Variants in TRPM1 observed in about 807,000 individuals in gnomAD.
TRPM1 encodes the protein TRPM1-203 APA Isoform, Intron 10.
TRPM1 carries 113 observed loss-of-function variants against 149.4 expected under a neutral mutation model. The ratio of observed to expected loss-of-function variants is 0.76; its 90% confidence interval spans 0.65 to 0.88. The LOEUF is 0.88. Among genes scored for constraint, TRPM1 ranks in the 40% least tolerant of loss-of-function variants. The pLI is 0.00. For missense variants in TRPM1, 1,976 were observed against 2,038.7 expected (o/e 0.97, Z 0.59); for synonymous variants, 741 against 759.5 (o/e 0.98, Z 0.40).
At chr15:31,036,878 C>T (rs1009256165) in intron 20 of TRPM1, among the ~76,000 whole-genome samples, 1 of 152,248 alleles carries the variant, frequency 6.6e-6, no homozygotes, top group Non-Finnish European at 1.5e-5. Flanking sequence ...CCCCAGCCCA[C>T]CCTCATTCAT....
At chr15:31,077,401 G>T (rs2034728662) in intron 2 of TRPM1, among the ~76,000 whole-genome samples, 1 of 151,988 alleles carries the variant, frequency 6.6e-6, no homozygotes, top group Admixed American at 6.5e-5. Context: ...GCTGGTGCTG[G>T]ATGCTCAGCG....
At chr15:31,106,302 C>T (rs1596075943), upstream of TRPM1, among the ~76,000 whole-genome samples, 5 of 141,012 alleles carry the variant, frequency 3.5e-5, no homozygotes, top group Admixed American at 3.6e-4. Context: ...CCATGCCTGG[C>T]TAATTTTGTA....
intron 1 of TRPM1, among the ~76,000 whole-genome samples, chr15:31,140,959 T>A (rs561321008): frequency 6.6e-6 from 1 of 151,932 alleles, no homozygotes; most frequent in African/African-American, 2.4e-5. Context: ...GTAGCTTGGA[T>A]AACAGGTGCG....
chr15:31,082,897 G>A (rs559168157), intron 1 of TRPM1, among the ~76,000 whole-genome samples: 1 of 152,144 alleles, frequency 6.6e-6, no homozygotes, highest in Non-Finnish European at 1.5e-5. Context: ...CCCAGAAATG[G>A]TGGGAGCTGG....
chr15:31,053,945 C>A (rs1270718020), intron 11 of TRPM1, among the ~76,000 whole-genome samples: 1 of 152,154 alleles, frequency 6.6e-6, no homozygotes, highest in Non-Finnish European at 1.5e-5. Context: ...CACGGATGAA[C>A]CTTGAGACAT....
Position 31,032,780 on chromosome 15 carries a change from C to A in TRPM1, c.2861G>T (p.Cys954Phe). Residue 954 changes from cysteine to phenylalanine, a missense_variant, in exon 22 of 28, where the codon TGT (cysteine) becomes TTT (phenylalanine). Physicochemically the swap from Cys to Phe is radical, Grantham distance 205. This residue lies in a region of TRPM1 where 1,332 missense variants were observed against 1,347.1 expected (regional missense o/e 0.99). Transcript: ENST00000256552. The stretch of plus-strand genomic sequence containing the variant: ...GATGTACCAGAAGATGATATCCACA[C>A]AGTAGATCACCCGGCCATAGCCCAT... ...PYMGYGRVIY[C>F]VDIIFWYIRV... 6.2e-7 allele frequency: 1 copy of A among 1,614,164 alleles called. No homozygotes were observed. The highest frequency in any genetic ancestry group is 1.1e-5 in the South Asian group (1 of 91,070).
At chr15:31,057,097 T>A (rs1053598257) in intron 11 of TRPM1, among the ~76,000 whole-genome samples, 2 of 152,136 alleles carry the variant, frequency 1.3e-5, no homozygotes, top group African/African-American at 4.8e-5. Flanking sequence ...AACTGTACAG[T>A]AGGCATTGAG....
chr15:31,038,127 A>C lies in TRPM1; in HGVS notation c.2356T>G (p.Leu786Val). The change falls in exon 19 of 28, where the codon TTG (leucine) becomes GTG (valine). Residue 786 changes from leucine to valine, a missense_variant. By Grantham distance (32) the Leu-to-Val change is conservative (BLOSUM62 1). Around this residue, in one of 3 missense-constraint regions of TRPM1, gnomAD observed 1,332 missense variants for 1,347.1 expected, o/e 0.99. Coordinates refer to ENST00000256552, the MANE Select transcript of TRPM1 (RefSeq NM_001252024.2). ...GILLPPTILF[L>V]EFRTYDDFSY... is the part of the protein sequence containing the mutation. ...AAATCATCATATGTGCGAAATTCCA[A>C]AAACAAGATGGTGGGGGGTAGAAGA... 1 of 1,614,164 alleles carries C rather than the reference A, an allele frequency of 6.2e-7. No individual in the cohort carries two copies. The highest frequency in any genetic ancestry group is 8.5e-7 in the Non-Finnish European group (1 of 1,180,012).
intron 9 of TRPM1, 90 bp from the exon 10 acceptor site, chr15:31,061,604 C>A: frequency 9.5e-7 from 1 of 1,057,890 alleles, no homozygotes; most frequent in Non-Finnish European, 1.5e-6. Flanking sequence ...GAGACTGACA[C>A]GTAATAAAAT....
At chr15:31,058,065 T>C (rs1000332319) in intron 11 of TRPM1, among the ~76,000 whole-genome samples, 12 of 152,096 alleles carry the variant, frequency 7.9e-5, no homozygotes. Context: ...CTATTCTTTA[T>C]AGCAGTGTGA....
intron 11 of TRPM1, among the ~76,000 whole-genome samples, chr15:31,051,440 G>T (rs1464237655): frequency 6.6e-6 from 1 of 152,218 alleles, no homozygotes; most frequent in African/African-American, 2.4e-5. Flanking sequence ...CTGGGCTGTG[G>T]GTTTAGTTGC....
intron 16 of TRPM1, among the ~76,000 whole-genome samples, chr15:31,044,602 G>A (rs111234937): frequency 0.02 from 3,069 of 152,090 alleles, 103 homozygotes; most frequent in African/African-American, 0.071. Flanking sequence ...CCAATATGGT[G>A]AAGCCCCATC....
chr15:31,130,309 GAA>G (rs2036000758), intron 1 of TRPM1, among the ~76,000 whole-genome samples: 1 of 152,204 alleles, frequency 6.6e-6, no homozygotes, highest in African/African-American at 2.4e-5. Context: ...TGATGACAGT[GAA>G]AGAGACCTGA....
rs779684836 is a variant in TRPM1 at position 31,002,873 on chromosome 15, TCA to T, written c.3825_3826del (p.Cys1275Ter). On this transcript the variant is annotated stop_gained and frameshift_variant, in exon 28 of 28. Coordinates refer to ENST00000256552, the MANE Select transcript of TRPM1 (RefSeq NM_001252024.2). LOFTEE classifies it low-confidence loss of function (END_TRUNC). The stretch of plus-strand genomic sequence containing the variant: ...GCTTTGCCGGAGAAGATACGTTGCC[TCA>T]CATTCAGAAGAAGCCCGGGACCGTG... 54 of 1,614,086 alleles carry T rather than the reference TCA, an allele frequency of 3.3e-5. 1 individual carries two copies. The South Asian group carries it at 5.9e-4, about 18-fold the overall frequency.
chr15:31,064,034 G>A (rs1280187936), intron 7 of TRPM1, among the ~76,000 whole-genome samples: 1 of 152,196 alleles, frequency 6.6e-6, no homozygotes, highest in East Asian at 1.9e-4. Flanking sequence ...CAGGGAAATT[G>A]CAGTTCAATT....
intron 1 of TRPM1, among the ~76,000 whole-genome samples, chr15:31,151,654 A>G (rs1372893980): frequency 6.6e-6 from 1 of 152,206 alleles, no homozygotes; most frequent in Non-Finnish European, 1.5e-5. Context: ...GGCTGGACCC[A>G]GTGTACCATA....
upstream of TRPM1, among the ~76,000 whole-genome samples, chr15:31,105,066 T>C (rs981881865): frequency 2.6e-5 from 4 of 152,244 alleles, no homozygotes; most frequent in Admixed American, 2.6e-4. Flanking sequence ...CTTGGCCTCA[T>C]TCCAATGTGA....
Position 31,040,570 on chromosome 15 carries a change from G to C in TRPM1, c.2088-224C>G, listed in dbSNP as rs972208332. Among the ~76,000 whole-genome samples, 4 of 152,262 alleles carry C rather than the reference G, an allele frequency of 2.6e-5. No individual in the cohort carries two copies. The highest frequency in any genetic ancestry group is 2.6e-4 in the Admixed American group (4 of 15,294). On this transcript the variant is annotated intron_variant, in intron 17 of 27. Transcript: ENST00000256552. This position sits in a 1 kb window ranked among gnomAD's most constrained non-coding sequence, Gnocchi z 4.2. ...GTCAGGAGGTGGGCTGACTGCTACTGCTGCAAATGGAGCTGTAGGTTGAGA... is the reference window on the plus strand; with the variant it reads ...GTCAGGAGGTGGGCTGACTGCTACTCCTGCAAATGGAGCTGTAGGTTGAGA...
intron 1 of TRPM1, among the ~76,000 whole-genome samples, chr15:31,088,849 G>A (rs986109780): frequency 1.1e-4 from 15 of 135,718 alleles, no homozygotes; most frequent in African/African-American, 3.6e-4. Context: ...GATGCGATAA[G>A]CCCTGCTGCG....
Sources: allele counts gnomAD v4.1 joint callset (sites outside exome capture counted in the v4.1 genomes callset), GRCh38; gene constraint gnomAD v4.1.1; regional missense constraint gnomAD v4.1.1; non-coding constraint Gnocchi (gnomAD v3.1); transcripts MANE v1.5; gene names NCBI Gene and HGNC (gene_info 2026-07-23, HGNC 2026-07-21).